The following YWHAG variants were observed in gnomAD, a reference collection of about 807,000 sequenced individuals.
The protein encoded by YWHAG is tyrosine 3-monooxygenase/tryptophan 5-monooxygenase activation protein gamma.
In YWHAG, 1 loss-of-function variant was observed where a neutral mutation model predicts 23.3. The observed-to-expected ratio is 0.04, with a 90% confidence interval of 0.02 to 0.20. The LOEUF (loss-of-function observed/expected upper bound fraction) is 0.20. YWHAG is among the 10% of genes least tolerant of loss of function. The pLI, the probability that YWHAG is intolerant of heterozygous loss-of-function variation, is 1.00. For missense variants in YWHAG, 151 were observed against 338.6 expected (o/e 0.45, Z 4.35); for synonymous variants, 160 against 144.0 (o/e 1.11, Z -0.80).
At chr7:76,342,720 G>T (rs1214603379) in intron 1 of YWHAG, among the ~76,000 whole-genome samples, 1 of 151,996 alleles carries the variant, frequency 6.6e-6, no homozygotes, top group Non-Finnish European at 1.5e-5. Context: ...CCTCCGCTGG[G>T]CTACTTTCTG....
chr7:76,337,144 T>C (rs1240888000), intron 1 of YWHAG, among the ~76,000 whole-genome samples: 2 of 152,206 alleles, frequency 1.3e-5, no homozygotes, highest in East Asian at 1.9e-4. Context: ...GTTAACATAA[T>C]AGGCTTCAGT....
chr7:76,328,683 C>A lies in YWHAG; in HGVS notation c.*894G>T, dbSNP rs1426039825. 1 of 152,130 alleles carries A rather than the reference C, an allele frequency of 6.6e-6. No homozygotes were observed. The allele number at this position is 152,130 out of a possible 1,614,324, so 9.4% of individuals were successfully genotyped here. On this transcript the variant is annotated 3_prime_UTR_variant, in exon 2 of 2. Transcript: ENST00000307630. ...AGAAGCGGGATGTTCTCTGAAAATACCAACACGATCCATGACATACAGACC... is the reference window on the plus strand; with the variant it reads ...AGAAGCGGGATGTTCTCTGAAAATAACAACACGATCCATGACATACAGACC...
chr7:76,350,981 G>A (rs1273338119), intron 1 of YWHAG, among the ~76,000 whole-genome samples: 1 of 152,064 alleles, frequency 6.6e-6, no homozygotes, highest in Non-Finnish European at 1.5e-5. Flanking sequence ...ATTAAATTAT[G>A]ATATATCCAC....
At chr7:76,351,882 T>C (rs975718224) in intron 1 of YWHAG, among the ~76,000 whole-genome samples, 3 of 152,082 alleles carry the variant, frequency 2.0e-5, no homozygotes, top group Admixed American at 2.0e-4. Context: ...AACCATCCCC[T>C]TACCCCTCAC....
chr7:76,349,418 T>TACACACACAC (rs35880008), intron 1 of YWHAG, among the ~76,000 whole-genome samples: 14 of 147,048 alleles, frequency 9.5e-5, no homozygotes, highest in Non-Finnish European at 1.9e-4. Flanking sequence ...CATTTATTAA[T>TACACACACAC]ACACACACAC....
chr7:76,342,794 G>C (rs1014001207), intron 1 of YWHAG, among the ~76,000 whole-genome samples: 2 of 152,044 alleles, frequency 1.3e-5, no homozygotes, highest in Non-Finnish European at 1.5e-5. Context: ...GATCTGACTT[G>C]GAAGTGGCGG....
At position 76,329,489 on chromosome 7, in the gene YWHAG, T is replaced by G; in HGVS notation, c.*88A>C. 26 of 1,024,210 alleles carry G rather than the reference T, an allele frequency of 2.5e-5. No individual in the cohort carries two copies. Among genetic ancestry groups the G allele is most frequent in the Non-Finnish European group, 3.4e-5 (25 of 740,068 alleles). The allele number at this position is 1,024,210 out of a possible 1,614,324, so 63.4% of individuals were successfully genotyped here. ...TCCCTGGGAAGGTCATCCCTCCCTT[T>G]CCCTCCCCCACCCGACCCCCAACTC... On this transcript the variant is annotated 3_prime_UTR_variant, in exon 2 of 2. Transcript: ENST00000307630. The surrounding 1 kb of genome is among the most constrained non-coding windows in gnomAD (Gnocchi z 6.1).
chr7:76,337,030 C>T (rs1398342013), intron 1 of YWHAG, among the ~76,000 whole-genome samples: 1 of 152,156 alleles, frequency 6.6e-6, no homozygotes, highest in East Asian at 1.9e-4. Context: ...ACAACTCGTT[C>T]GAAAGACAAC....
At chr7:76,347,704 C>T (rs992950702) in intron 1 of YWHAG, among the ~76,000 whole-genome samples, 2 of 152,208 alleles carry the variant, frequency 1.3e-5, no homozygotes, top group Non-Finnish European at 2.9e-5. Flanking sequence ...AAAACATGCT[C>T]CAAACTCCAG....
At chr7:76,334,975 T>C (rs1472448032) in intron 1 of YWHAG, among the ~76,000 whole-genome samples, 1 of 152,244 alleles carries the variant, frequency 6.6e-6, no homozygotes, top group Non-Finnish European at 1.5e-5. Context: ...TCAGTTTTTA[T>C]TCCCCAGAGT....
chr7:76,340,282 T>C (rs1189959614), intron 1 of YWHAG, among the ~76,000 whole-genome samples: 1 of 152,248 alleles, frequency 6.6e-6, no homozygotes, highest in Non-Finnish European at 1.5e-5. Flanking sequence ...GGTTTCCAAA[T>C]ATCACCTGTC....
At chr7:76,346,833 C>A (rs1178511303) in intron 1 of YWHAG, among the ~76,000 whole-genome samples, 1 of 152,170 alleles carries the variant, frequency 6.6e-6, no homozygotes, top group Non-Finnish European at 1.5e-5. Flanking sequence ...TAAGAAGAAA[C>A]AAACCTCAGA....
At chr7:76,331,428 A>T (rs1583982470) in intron 1 of YWHAG, among the ~76,000 whole-genome samples, 2 of 152,198 alleles carry the variant, frequency 1.3e-5, no homozygotes, top group African/African-American at 4.8e-5. Flanking sequence ...ATCCAAAAAG[A>T]TCTACTAAAC....
intron 1 of YWHAG, 124 bp from the exon 2 acceptor site, chr7:76,330,357 G>A: frequency 9.3e-7 from 1 of 1,069,678 alleles, no homozygotes; most frequent in South Asian, 1.7e-5. Flanking sequence ...ATTACTTTGT[G>A]TGGGCTGGGG....
At chr7:76,351,848 T>A (rs984641386) in intron 1 of YWHAG, among the ~76,000 whole-genome samples, 1 of 152,186 alleles carries the variant, frequency 6.6e-6, no homozygotes. Context: ...GCACAATAAA[T>A]GCAATGTGCT....
chr7:76,334,638 A>C (rs1208232400), intron 1 of YWHAG, among the ~76,000 whole-genome samples: 1 of 151,668 alleles, frequency 6.6e-6, no homozygotes, highest in Non-Finnish European at 1.5e-5. Context: ...CTGGTTTCGA[A>C]CTCCTGAGCA....
At chr7:76,354,348 C>T (rs1455634833) in intron 1 of YWHAG, among the ~76,000 whole-genome samples, 2 of 151,596 alleles carry the variant, frequency 1.3e-5, no homozygotes, top group African/African-American at 4.8e-5. Context: ...CTGTCTCTAT[C>T]AAAACTACAA....
At chr7:76,337,368 GC>G (rs1563663973) in intron 1 of YWHAG, among the ~76,000 whole-genome samples, 1 of 152,096 alleles carries the variant, frequency 6.6e-6, no homozygotes, top group Non-Finnish European at 1.5e-5. Context: ...TAAGTGACCA[GC>G]CCCCAGCTGC....
At chr7:76,332,976 ATTTC>A (rs1028714147) in intron 1 of YWHAG, among the ~76,000 whole-genome samples, 5 of 149,384 alleles carry the variant, frequency 3.3e-5, no homozygotes, top group Non-Finnish European at 7.4e-5. Flanking sequence ...TGATTTATTT[ATTTC>A]TTTATTTAGA....
Sources: gnomAD v4.1 joint callset for allele counts (sites outside exome capture counted in the v4.1 genomes callset) on GRCh38, gnomAD v4.1.1 for gene constraint, Gnocchi (gnomAD v3.1) non-coding constraint, MANE v1.5 for transcripts, NCBI Gene and HGNC (gene_info 2026-07-23, HGNC 2026-07-21) for gene names.